Variants in FUT8 observed in about 807,000 individuals in gnomAD.
FUT8 encodes fucosyltransferase 8.
FUT8 carries 29 observed loss-of-function variants against 71.3 expected under a neutral mutation model. The ratio of observed to expected loss-of-function variants is 0.41; its 90% CI spans 0.30 to 0.55. The LOEUF is 0.55. Among genes scored for constraint, FUT8 ranks in the 20% least tolerant of loss-of-function variants. The pLI, the probability that FUT8 is intolerant of heterozygous loss-of-function variation, is 0.34. For synonymous variants in FUT8, 254 were observed against 239.3 expected (o/e 1.06, Z -0.57); for missense variants, 544 against 702.1 (o/e 0.77, Z 2.55).
At chr14:65,648,586 TGTA>T (rs948843716) in intron 6 of FUT8, among the ~76,000 whole-genome samples, 2 of 152,202 alleles carry the variant, frequency 1.3e-5, no homozygotes, top group African/African-American at 4.8e-5. Flanking sequence ...CTTCTTAAAA[TGTA>T]GTCATGTTAC....
chr14:65,586,223 A>G (rs1887371675), intron 3 of FUT8, among the ~76,000 whole-genome samples: 2 of 152,198 alleles, frequency 1.3e-5, no homozygotes, highest in South Asian at 2.1e-4. Flanking sequence ...AAAGAAGAAT[A>G]TATCATTTCA....
At chr14:65,506,099 A>G (rs2066729694) in intron 2 of FUT8, among the ~76,000 whole-genome samples, 1 of 152,174 alleles carries the variant, frequency 6.6e-6, no homozygotes, top group Non-Finnish European at 1.5e-5. Context: ...AAATATTGCT[A>G]ATACGTTCCC....
chr14:65,682,285 T>G (rs749942319), intron 7 of FUT8, among the ~76,000 whole-genome samples: 5 of 152,212 alleles, frequency 3.3e-5, no homozygotes, highest in Non-Finnish European at 5.9e-5. Flanking sequence ...GGAGGATCGC[T>G]TCAGACTGGG....
At chr14:65,419,869 G>A (rs950794492) in intron 1 of FUT8, among the ~76,000 whole-genome samples, 1 of 152,116 alleles carries the variant, frequency 6.6e-6, no homozygotes, top group Admixed American at 6.5e-5. Flanking sequence ...TGATTGCTTC[G>A]TGACATAATT....
intron 1 of FUT8, among the ~76,000 whole-genome samples, chr14:65,422,540 C>A (rs935617303): frequency 2.0e-5 from 3 of 152,068 alleles, no homozygotes; most frequent in Admixed American, 2.0e-4. Flanking sequence ...CTCAATTGCC[C>A]AGGCTGACAT....
upstream of FUT8, among the ~76,000 whole-genome samples, chr14:65,408,738 C>A (rs998261703): frequency 1.3e-5 from 2 of 152,318 alleles, no homozygotes; most frequent in Admixed American, 1.3e-4. Context: ...GTCTTTAAAT[C>A]AATCACTTCA....
chr14:65,448,753 G>A (rs1486311988), intron 1 of FUT8, among the ~76,000 whole-genome samples: 1 of 147,348 alleles, frequency 6.8e-6, no homozygotes, highest in Non-Finnish European at 1.5e-5. Context: ...TGGGAATTTA[G>A]AAAGAGTGAT....
At chr14:65,375,275 A>G in the FUT8 span, among the ~76,000 whole-genome samples, 2 of 152,180 alleles carry the variant, frequency 1.3e-5, no homozygotes, top group South Asian at 4.1e-4. Context: ...ATTGTAGGCA[A>G]TGAAATTCAG....
At position 65,650,707 on chromosome 14, in the gene FUT8, C is replaced by CAAAAAAAAA. The variant is rs57971519; in HGVS notation, c.598-18522_598-18514dup. ...AGATCACTGTAATTCCTGCTAATTA[C>CAAAAAAAAA]AAAAAAAAAAAAAAAAAAAAAACAA... On this transcript the variant is annotated intron_variant, in intron 6 of 10. Transcript: ENST00000673929. Among the ~76,000 whole-genome samples the CAAAAAAAAA allele has an allele frequency of 1.8e-3, 209 of 118,856 alleles. 2 individuals carry two copies. Among genetic ancestry groups the CAAAAAAAAA allele is most frequent in the African/African-American group, 4.5e-3 (134 of 29,464 alleles). 78.0% of individuals were successfully genotyped at this position (118,856 alleles called of 152,430 possible).
At position 65,616,983 on chromosome 14, in the gene FUT8, T is replaced by C. The variant is rs540959696; in HGVS notation, c.482+610T>C. On this transcript the variant is annotated intron_variant, in intron 5 of 10. Coordinates refer to ENST00000673929, the MANE Select transcript of FUT8 (RefSeq NM_001371533.1). ...TATCTTCCACAGAAAAGAAAACATT[T>C]TGGTGCTGTTGTATTCATGCAGAAC... The C allele has an allele frequency of 8.8e-6, 11 of 1,249,456 alleles. 1 individual carries two copies. In the South Asian group the frequency reaches 1.7e-4, roughly 20 times the overall value. 77.4% of individuals were successfully genotyped at this position (1,249,456 alleles called of 1,614,324 possible). A position where few individuals can be genotyped will look rare whatever the true frequency, so the allele number is the denominator to read the frequency against.
rs1041402392 is a variant in FUT8, at chr14:65,638,386, G to T, written c.597+8780G>T. On this transcript the variant is annotated intron_variant, in intron 6 of 10. Coordinates refer to ENST00000673929, the MANE Select transcript of FUT8 (RefSeq NM_001371533.1). The surrounding 1 kb of genome is among the most constrained non-coding windows in gnomAD (Gnocchi z 4.5). ...TTTGCCCCCGTGTTTTGCTTGCTTTGGTTTATGTTTTGAATAGGACTTTTA... is the reference window on the plus strand; with the variant it reads ...TTTGCCCCCGTGTTTTGCTTGCTTTTGTTTATGTTTTGAATAGGACTTTTA... 2.6e-5 allele frequency among the ~76,000 whole-genome samples: 4 copies of T among 151,432 alleles called. No individual in the cohort carries two copies. The highest frequency in any genetic ancestry group is 5.9e-5 in the Non-Finnish European group (4 of 67,892).
chr14:65,717,353 G>A (rs1217505874), intron 7 of FUT8, among the ~76,000 whole-genome samples: 7 of 142,242 alleles, frequency 4.9e-5, no homozygotes, highest in African/African-American at 7.9e-5. Flanking sequence ...GGGCAGAGAC[G>A]CTCCTCACTT....
intron 1 of FUT8, among the ~76,000 whole-genome samples, chr14:65,438,936 T>C (rs1368209883): frequency 6.6e-6 from 1 of 152,268 alleles, no homozygotes. Context: ...TGAAGGAATG[T>C]GTAAGCACAG....
At chr14:65,585,042 T>TGC (rs1555373426) in intron 3 of FUT8, among the ~76,000 whole-genome samples, 1 of 151,868 alleles carries the variant, frequency 6.6e-6, no homozygotes, top group Non-Finnish European at 1.5e-5. Context: ...CTAATTTATT[T>TGC]AAACAGATCT....
chr14:65,427,185 G>A (rs538269504), intron 1 of FUT8, among the ~76,000 whole-genome samples: 16 of 152,070 alleles, frequency 1.1e-4, no homozygotes, highest in South Asian at 2.1e-4. Flanking sequence ...TTCTTTACCC[G>A]TTTATCCATT....
chr14:65,383,265 CTTTTTTT>C, the FUT8 span, among the ~76,000 whole-genome samples: 188 of 86,548 alleles, frequency 2.2e-3, no homozygotes, highest in South Asian at 0.011. Context: ...TTTTTCTTTT[CTTTTTTT>C]TTTTTTTTTT....
chr14:65,549,726 A>C (rs1331898993), intron 2 of FUT8, among the ~76,000 whole-genome samples: 1 of 152,208 alleles, frequency 6.6e-6, no homozygotes, highest in Non-Finnish European at 1.5e-5. Flanking sequence ...AATAATAGTT[A>C]CTGTAAGGTG....
chr14:65,478,943 G>A (rs1007494037), intron 2 of FUT8, among the ~76,000 whole-genome samples: 6 of 152,176 alleles, frequency 3.9e-5, no homozygotes, highest in African/African-American at 1.4e-4. Flanking sequence ...TTAATTGATT[G>A]TATGAATATA....
In FUT8 at chr14:65,566,484, T is replaced by C. The variant is rs551181954; in HGVS notation, c.203+4718T>C. 2.4e-4 allele frequency among the ~76,000 whole-genome samples: 37 copies of C among 152,156 alleles called. No individual in the cohort carries two copies. The East Asian group carries it at 6.0e-3, about 25-fold the overall frequency. ...TGGTGGGCTTATATAGCCAGAGTTA[T>C]GTATAGACCCGATTGATAGATAATA... On this transcript the variant is annotated intron_variant, in intron 3 of 10. Transcript: ENST00000673929.
Sources: gnomAD v4.1 joint callset for allele counts (sites outside exome capture counted in the v4.1 genomes callset) on GRCh38, gnomAD v4.1.1 for gene constraint, Gnocchi (gnomAD v3.1) non-coding constraint, MANE v1.5 for transcripts, NCBI Gene and HGNC (gene_info 2026-07-23, HGNC 2026-07-21) for gene names.